The following FER variants were observed in gnomAD, a reference collection of about 807,000 sequenced individuals.
FER encodes tyrosine-protein kinase Fer.
A neutral mutation model predicts 111.0 loss-of-function variants in FER; 63 were observed. That is an observed-to-expected ratio of 0.57 (90% confidence interval 0.46 to 0.70). The LOEUF (loss-of-function observed/expected upper bound fraction) is 0.70. Among genes scored for constraint, FER ranks in the 30% least tolerant of loss-of-function variants. FER has a pLI of 0.00. For missense variants in FER, 914 were observed against 954.0 expected, an observed-to-expected ratio of 0.96 and a Z score of 0.55; for synonymous variants, 327 against 313.9, an observed-to-expected ratio of 1.04 and a Z score of -0.44.
chr5:109,124,257 T>G (rs1426424790), intron 17 of FER, among the ~76,000 whole-genome samples: 1 of 152,138 alleles, frequency 6.6e-6, no homozygotes, highest in Non-Finnish European at 1.5e-5. Context: ...GACAAAAAAC[T>G]AGGTGCTTGG....
chr5:108,956,102 A>G (rs564398710), intron 12 of FER, among the ~76,000 whole-genome samples: 3 of 151,762 alleles, frequency 2.0e-5, no homozygotes, highest in Non-Finnish European at 4.4e-5. Context: ...TGATAATCAT[A>G]TTTGCCCACA....
intron 1 of FER, among the ~76,000 whole-genome samples, chr5:108,751,250 C>G (rs1175697079): frequency 6.6e-6 from 1 of 152,028 alleles, no homozygotes; most frequent in African/African-American, 2.4e-5. Context: ...TATGTATATA[C>G]ATGTATATGT....
In FER at chr5:109,193,057, G is replaced by A. The variant is rs1759489496; in HGVS notation, c.*5482G>A. 1 of 152,076 alleles carries A rather than the reference G, an allele frequency of 6.6e-6. No individual in the cohort carries two copies. Among genetic ancestry groups the A allele is most frequent in the South Asian group, 2.1e-4 (1 of 4,816 alleles). 9.4% of individuals were successfully genotyped at this position (152,076 alleles called of 1,614,324 possible). A position where few individuals can be genotyped will look rare whatever the true frequency, so the allele number is the denominator to read the frequency against. ...ATAAAGGAAACTAACCCTCACAAAG[G>A]GTTTGAGGAGCTTCCTGCTGTGTGT... On this transcript the variant is annotated 3_prime_UTR_variant, in exon 20 of 20. Coordinates refer to ENST00000281092, the MANE Select transcript of FER (RefSeq NM_005246.4).
At position 109,187,882 on chromosome 5, in the gene FER, T is replaced by G; in HGVS notation, c.*307T>G. ...AGGATAAAAGATCTATCCTATCCTT[T>G]TCACACCTTGTTTCTACTTCAGGCA... On this transcript the variant is annotated 3_prime_UTR_variant, in exon 20 of 20. Coordinates refer to ENST00000281092, the MANE Select transcript of FER (RefSeq NM_005246.4). The G allele has an allele frequency of 9.4e-6, 3 of 319,128 alleles. No homozygotes were observed. The highest frequency in any genetic ancestry group is 8.1e-5 in the East Asian group (1 of 12,360). 19.8% of individuals were successfully genotyped at this position (319,128 alleles called of 1,614,324 possible).
At chr5:108,905,070 A>G (rs548237584) in intron 10 of FER, among the ~76,000 whole-genome samples, 1 of 152,240 alleles carries the variant, frequency 6.6e-6, no homozygotes, top group East Asian at 1.9e-4. Flanking sequence ...TCAGGTCAAG[A>G]TTCCATTCAT....
chr5:109,102,735 A>C (rs1405583656), intron 17 of FER, among the ~76,000 whole-genome samples: 1 of 151,948 alleles, frequency 6.6e-6, no homozygotes, highest in Non-Finnish European at 1.5e-5. Context: ...ATATCTCCCA[A>C]CTAGTGGTCC....
chr5:108,854,946 C>CA (rs34850507), intron 5 of FER, among the ~76,000 whole-genome samples: 7,874 of 36,638 alleles, frequency 0.21, 2,291 homozygotes, highest in Non-Finnish European at 0.27. Context: ...GACCCTGTCT[C>CA]AAAAAAAAAA....
chr5:108,781,335 C>T lies in FER; in HGVS notation c.-60+13097C>T, dbSNP rs115242526. 3.0e-3 allele frequency among the ~76,000 whole-genome samples: 450 copies of T among 152,152 alleles called. 1 individual carries two copies. The highest frequency in any genetic ancestry group is 0.01 in the African/African-American group (427 of 41,534). Reference sequence around the variant, plus strand: ...CCTCCCAAGTAGCTAGGATTACAGGCGCCTGCTTACCACACCTGGCTAATT... The same window carrying T: ...CCTCCCAAGTAGCTAGGATTACAGGTGCCTGCTTACCACACCTGGCTAATT... On this transcript the variant is annotated intron_variant, in intron 2 of 19. Transcript: ENST00000281092.
At chr5:109,020,046 C>G (rs1216185504) in intron 13 of FER, among the ~76,000 whole-genome samples, 2 of 151,910 alleles carry the variant, frequency 1.3e-5, no homozygotes, top group African/African-American at 4.8e-5. Flanking sequence ...AACTGTTTTT[C>G]ACCAAGTTTG....
intron 11 of FER, among the ~76,000 whole-genome samples, chr5:108,952,385 A>C (rs1166506149): frequency 5.3e-5 from 8 of 152,062 alleles, no homozygotes; most frequent in African/African-American, 1.9e-4. Context: ...CATATTGATA[A>C]AAATATTCCT....
chr5:108,754,085 A>G (rs1218969951), intron 1 of FER, among the ~76,000 whole-genome samples: 1 of 152,130 alleles, frequency 6.6e-6, no homozygotes, highest in Admixed American at 6.5e-5. Context: ...ATAAACTTGA[A>G]TCTACTCTGA....
chr5:109,129,146 G>T (rs1752074112), intron 17 of FER, among the ~76,000 whole-genome samples: 1 of 152,004 alleles, frequency 6.6e-6, no homozygotes, highest in Admixed American at 6.6e-5. Context: ...ATTGGTGGTA[G>T]AGCTGGGGTG....
intron 17 of FER, among the ~76,000 whole-genome samples, chr5:109,160,120 G>A (rs1755838847): frequency 6.6e-6 from 1 of 152,152 alleles, no homozygotes; most frequent in African/African-American, 2.4e-5. Flanking sequence ...TTCAGATGTA[G>A]TATAAGAAAA....
chr5:109,123,157 G>GTTTTTTTTT (rs747514879), intron 17 of FER, among the ~76,000 whole-genome samples: 2 of 124,230 alleles, frequency 1.6e-5, no homozygotes, highest in Non-Finnish European at 3.3e-5. Context: ...TTCCTGTCTT[G>GTTTTTTTTT]TTTTTTTTTT....
intron 13 of FER, among the ~76,000 whole-genome samples, chr5:109,014,222 C>T (rs1472745636): frequency 8.6e-5 from 13 of 151,966 alleles, no homozygotes; most frequent in East Asian, 7.7e-4. Context: ...TTAGGTCTAA[C>T]GTTTAAGTCT....
chr5:109,111,062 G>T (rs189510609), intron 17 of FER, among the ~76,000 whole-genome samples: 1 of 152,154 alleles, frequency 6.6e-6, no homozygotes, highest in Admixed American at 6.6e-5. Context: ...ATTTAAATTG[G>T]ACATATGTTT....
chr5:108,948,776 CTTACA>C (rs1757343865), intron 11 of FER, among the ~76,000 whole-genome samples: 1 of 152,044 alleles, frequency 6.6e-6, no homozygotes, highest in Non-Finnish European at 1.5e-5. Flanking sequence ...CTTGTTCCAT[CTTACA>C]GCCACTCATG....
chr5:109,132,806 A>G (rs1752497837), intron 17 of FER, among the ~76,000 whole-genome samples: 2 of 152,196 alleles, frequency 1.3e-5, no homozygotes, highest in African/African-American at 2.4e-5. Flanking sequence ...GGACTGTCAC[A>G]TCATCTGAGC....
intron 13 of FER, among the ~76,000 whole-genome samples, chr5:109,031,765 T>C (rs72790559): frequency 0.11 from 16,866 of 152,226 alleles, 1,035 homozygotes; most frequent in Non-Finnish European, 0.14. Flanking sequence ...TCAAGACTTA[T>C]CTCAAATACT....
Sources: gnomAD v4.1 joint callset for allele counts (sites outside exome capture counted in the v4.1 genomes callset) on GRCh38, gnomAD v4.1.1 for gene constraint, MANE v1.5 for transcripts, NCBI Gene and HGNC (gene_info 2026-07-23, HGNC 2026-07-21) for gene names.